Variants in EEF2K observed in about 807,000 individuals in gnomAD.
The protein encoded by EEF2K is eukaryotic elongation factor 2 kinase, also known as alternative protein EEF2K.
In EEF2K, 70 loss-of-function variants were observed where a neutral mutation model predicts 93.8. The observed-to-expected ratio is 0.75, with a 90% CI of 0.62 to 0.91. The LOEUF (loss-of-function observed/expected upper bound fraction) is 0.91. Ranked by LOEUF, EEF2K falls within the 40% of genes least tolerant of loss-of-function variation. The pLI is 0.00. For missense variants in EEF2K, 935 were observed against 972.9 expected, an observed-to-expected ratio of 0.96 and a Z score of 0.52; for synonymous variants, 376 against 380.8, an observed-to-expected ratio of 0.99 and a Z score of 0.15.
intron 4 of EEF2K, among the ~76,000 whole-genome samples, 162 bp downstream of exon 4, chr16:22,248,977 T>C (rs949863608): frequency 2.7e-5 from 4 of 150,378 alleles, no homozygotes; most frequent in Non-Finnish European, 5.9e-5. Context: ...CCAGCATTTT[T>C]TTTTTTTTTT....
chr16:22,266,994 C>A, intron 15 of EEF2K, 118 bp downstream of exon 15: 1 of 1,271,178 alleles, frequency 7.9e-7, no homozygotes, highest in Non-Finnish European at 1.1e-6. Flanking sequence ...GAGGTTTATG[C>A]ATGCCACAAA....
At chr16:22,277,135 T>TTTTA (rs566510934) in intron 16 of EEF2K, among the ~76,000 whole-genome samples, 2 of 152,134 alleles carry the variant, frequency 1.3e-5, no homozygotes, top group Non-Finnish European at 2.9e-5. Flanking sequence ...TAAATTTAAC[T>TTTTA]TTTATTTATT....
At chr16:22,235,691 T>C (rs1567268692) in intron 2 of EEF2K, among the ~76,000 whole-genome samples, 1 of 152,068 alleles carries the variant, frequency 6.6e-6, no homozygotes, top group Non-Finnish European at 1.5e-5. Flanking sequence ...GGAGATGGGG[T>C]TTCTCCATGT....
At position 22,244,747 on chromosome 16, in the gene EEF2K, G is replaced by A. The variant is rs753905865; in HGVS notation, c.347+17G>A. ...TCGACACAGGTCAGCAGCTTGTGTGGGGTCTCGAGGAGTCCTGGGGGCTAT... is the reference window on the plus strand; with the variant it reads ...TCGACACAGGTCAGCAGCTTGTGTGAGGTCTCGAGGAGTCCTGGGGGCTAT... On this transcript the variant is annotated intron_variant, in intron 3 of 17. Coordinates refer to ENST00000263026, the MANE Select transcript of EEF2K (RefSeq NM_013302.5). 1.2e-6 allele frequency: 2 copies of A among 1,613,296 alleles called. No individual in the cohort carries two copies. The highest frequency in any genetic ancestry group is 2.7e-5 in the African/African-American group (2 of 75,014).
chr16:22,274,359 G>A (rs2047614306), intron 16 of EEF2K, among the ~76,000 whole-genome samples: 1 of 151,034 alleles, frequency 6.6e-6, no homozygotes, highest in Non-Finnish European at 1.5e-5. Context: ...CAGGAGAATC[G>A]CTTGAACCCG....
intron 16 of EEF2K, among the ~76,000 whole-genome samples, chr16:22,276,838 C>T (rs1032280101): frequency 6.6e-6 from 1 of 152,054 alleles, no homozygotes; most frequent in Admixed American, 6.6e-5. Context: ...GCGGGTGGAT[C>T]ACGAGGTCAG....
At chr16:22,232,887 T>A (rs1209305832) in intron 2 of EEF2K, among the ~76,000 whole-genome samples, 1 of 152,122 alleles carries the variant, frequency 6.6e-6, no homozygotes, top group African/African-American at 2.4e-5. Flanking sequence ...AGTGGTTTTT[T>A]TTTTAACGCA....
rs746018935 is a variant in EEF2K, at chr16:22,251,153, A to G, written c.449A>G (p.Lys150Arg). 2.5e-6 allele frequency: 4 copies of G among 1,613,568 alleles called. No homozygotes were observed. Among genetic ancestry groups the G allele is most frequent in the African/African-American group, 2.7e-5 (2 of 75,038 alleles). ...CCCCCTGTTGCCTCTTCCCACAGGAAGAAGCTCTCCAACTTCTTGCATGCC... is the reference window on the plus strand; with the variant it reads ...CCCCCTGTTGCCTCTTCCCACAGGAGGAAGCTCTCCAACTTCTTGCATGCC... ...RGAMRECFRTKKLSNFLHAQQ... is the reference protein window; with the variant it reads ...RGAMRECFRTRKLSNFLHAQQ... Residue 150 changes from lysine to arginine, a missense_variant and splice_region_variant, in exon 6 of 18, where the codon AAG becomes AGG. By Grantham distance (26) the Lys-to-Arg change is conservative. Coordinates refer to ENST00000263026, the MANE Select transcript of EEF2K (RefSeq NM_013302.5).
chr16:22,214,655 ACTCT>A (rs923123032), intron 1 of EEF2K, among the ~76,000 whole-genome samples: 1 of 151,760 alleles, frequency 6.6e-6, no homozygotes, highest in Non-Finnish European at 1.5e-5. Context: ...ACAGAGCCAG[ACTCT>A]CTCAGCAACA....
chr16:22,241,042 A>C (rs1947996552), intron 2 of EEF2K, among the ~76,000 whole-genome samples: 1 of 152,036 alleles, frequency 6.6e-6, no homozygotes, highest in South Asian at 2.1e-4. Flanking sequence ...TGCTGGGATT[A>C]CAGGTGTGAG....
intron 3 of EEF2K, among the ~76,000 whole-genome samples, chr16:22,245,001 C>A (rs1328316908): frequency 6.6e-6 from 1 of 152,090 alleles, no homozygotes; most frequent in African/African-American, 2.4e-5. Flanking sequence ...GTGGCTCTCA[C>A]CTGTAATCCC....
intron 17 of EEF2K, among the ~76,000 whole-genome samples, chr16:22,281,058 C>G (rs2047688588): frequency 6.6e-6 from 1 of 151,982 alleles, no homozygotes; most frequent in Non-Finnish European, 1.5e-5. Flanking sequence ...CCTCAGCCTC[C>G]TGCATAGCTG....
intron 6 of EEF2K, among the ~76,000 whole-genome samples, chr16:22,255,897 G>A (rs2047393930): frequency 6.6e-6 from 1 of 151,730 alleles, no homozygotes; most frequent in African/African-American, 2.4e-5. Flanking sequence ...GCGACAGAGT[G>A]AGACCCTGTC....
intron 2 of EEF2K, among the ~76,000 whole-genome samples, chr16:22,236,493 G>A (rs922456261): frequency 6.6e-6 from 1 of 151,694 alleles, no homozygotes; most frequent in African/African-American, 2.4e-5. Context: ...CTAGACTTCT[G>A]AGCTGTATTT....
rs991270120 is a variant in EEF2K, at chr16:22,261,415, G to A, written c.1299+886G>A. Reference sequence around the variant, plus strand: ...AAATACCTTTTAGTAGAGGCTGGGCGCAGTGGCTCACGCCTGTAATCCCAG... The same window carrying A: ...AAATACCTTTTAGTAGAGGCTGGGCACAGTGGCTCACGCCTGTAATCCCAG... On this transcript the variant is annotated intron_variant, in intron 11 of 17. Coordinates refer to ENST00000263026, the MANE Select transcript of EEF2K (RefSeq NM_013302.5). Among the ~76,000 whole-genome samples the A allele has an allele frequency of 5.3e-5, 8 of 151,290 alleles. No individual in the cohort carries two copies. In the Middle Eastern group the frequency reaches 0.01, roughly 196 times the overall value.
intron 15 of EEF2K, among the ~76,000 whole-genome samples, chr16:22,270,800 G>A (rs2047571990): frequency 6.6e-6 from 1 of 151,934 alleles, no homozygotes; most frequent in African/African-American, 2.4e-5. Context: ...GCAGGGCGTC[G>A]CCCACCAGTT....
intron 1 of EEF2K, among the ~76,000 whole-genome samples, chr16:22,213,286 CAAAA>C (rs768903545): frequency 1.3e-5 from 2 of 152,106 alleles, no homozygotes; most frequent in African/African-American, 2.4e-5. Context: ...TCTCAAAAAA[CAAAA>C]GAAAGAAATT....
At chr16:22,259,022 A>C (rs2047437368) in intron 10 of EEF2K, among the ~76,000 whole-genome samples, 1 of 152,196 alleles carries the variant, frequency 6.6e-6, no homozygotes, top group South Asian at 2.1e-4. Flanking sequence ...TAGAGAACAA[A>C]AAAAAAATCT....
At chr16:22,239,302 C>A (rs998532389) in intron 2 of EEF2K, among the ~76,000 whole-genome samples, 1 of 152,090 alleles carries the variant, frequency 6.6e-6, no homozygotes, top group Non-Finnish European at 1.5e-5. Flanking sequence ...TGGGGACGGT[C>A]CCTGTTAGTG....
Sources: gnomAD v4.1 joint callset for allele counts (sites outside exome capture counted in the v4.1 genomes callset) on GRCh38, gnomAD v4.1.1 for gene constraint, MANE v1.5 for transcripts, NCBI Gene and HGNC (gene_info 2026-07-23, HGNC 2026-07-21) for gene names.